Variants in GSDMA observed in about 807,000 individuals in gnomAD.
GSDMA encodes the protein gasdermin A, also known as gasdermin-A.
A neutral mutation model predicts 54.3 loss-of-function variants in GSDMA; 55 were observed. That is an observed-to-expected ratio of 1.01 (90% CI 0.82 to 1.27). The LOEUF (loss-of-function observed/expected upper bound fraction) is 1.27, where lower values mean the gene tolerates loss of function less well. Ranked by LOEUF, GSDMA falls within the 50% of genes most tolerant of loss-of-function variation. The pLI, the probability that GSDMA is intolerant of heterozygous loss-of-function variation, is 0.00. For missense variants in GSDMA, 542 were observed against 542.6 expected (o/e 1.00, Z 0.01); for synonymous variants, 211 against 224.7 (o/e 0.94, Z 0.54).
At chr17:39,971,859 T>C (rs1289433861) in intron 5 of GSDMA, among the ~76,000 whole-genome samples, 4 of 152,072 alleles carry the variant, frequency 2.6e-5, no homozygotes, top group Non-Finnish European at 4.4e-5. Context: ...AATATGAACA[T>C]GCACTGCCTC....
At chr17:39,964,356 G>A (rs1262030732) in intron 1 of GSDMA, among the ~76,000 whole-genome samples, 4 of 152,118 alleles carry the variant, frequency 2.6e-5, no homozygotes, top group Admixed American at 2.6e-4. Flanking sequence ...ATCATTTGAG[G>A]TCAGGAGTTC....
rs2144796888 is a variant in GSDMA at position 39,974,392 on chromosome 17, G to A, written c.871G>A (p.Gly291Arg). The part of the protein sequence containing the change: ...SLLSSLSKLL[G>R]KKKELQDLEL... ...GCTCAGCTCCCTCAGCAAACTTCTA[G>A]GGAAGAAAAAGGAGCTACAAGACCT... The change falls in exon 9 of 12, where the codon GGG (glycine) becomes AGG (arginine). Residue 291 changes from glycine (G) to arginine (R), a missense_variant. Coordinates refer to ENST00000301659, the MANE Select transcript of GSDMA (RefSeq NM_178171.5). 1 of 1,591,972 alleles carries A rather than the reference G, an allele frequency of 6.3e-7. No homozygotes were observed. Among genetic ancestry groups the A allele is most frequent in the Non-Finnish European group, 8.6e-7 (1 of 1,169,378 alleles).
At chr17:39,975,859 C>A in intron 10 of GSDMA, 65 bp from the exon 11 acceptor site, 5 of 1,190,638 alleles carry the variant, frequency 4.2e-6, no homozygotes, top group Non-Finnish European at 6.1e-6. Context: ...TGGAAGTGCG[C>A]TATTTGGAGG....
intron 1 of GSDMA, chr17:39,965,469 A>G: frequency 1.8e-6 from 1 of 555,214 alleles, no homozygotes; most frequent in Non-Finnish European, 3.2e-6. Flanking sequence ...CTTTGGGGCA[A>G]CTCTTTCAAC....
intron 3 of GSDMA, among the ~76,000 whole-genome samples, chr17:39,969,341 C>T (rs1461917393): frequency 8.5e-6 from 1 of 117,264 alleles, no homozygotes; most frequent in East Asian, 2.6e-4. Flanking sequence ...CAGAGTGGGA[C>T]CTTAAAAAAA....
chr17:39,974,854 GC>G lies in GSDMA; in HGVS notation c.907-43del, dbSNP rs766618324. The stretch of plus-strand genomic sequence containing the variant: ...TATTATGTGCTGGGCCCTGGGTTGG[GC>G]CCTTTCCTATGTTATCTTCAATAGT... On this transcript the variant is annotated intron_variant, in intron 9 of 11. Transcript: ENST00000301659. The G allele has an allele frequency of 7.8e-5, 85 of 1,095,846 alleles. No individual in the cohort carries two copies. The South Asian group carries it at 8.1e-4, about 10-fold the overall frequency. 67.9% of individuals were successfully genotyped at this position (1,095,846 alleles called of 1,614,324 possible).
intron 9 of GSDMA, 30 bp downstream of exon 9, chr17:39,974,457 G>A: frequency 1.3e-6 from 2 of 1,544,286 alleles, no homozygotes; most frequent in Non-Finnish European, 1.8e-6. Flanking sequence ...GGGGAAGGGT[G>A]GGAGAAGGCA....
At chr17:39,966,185 C>T (rs1013559864) in intron 2 of GSDMA, 75 bp from the exon 3 acceptor site, 2 of 1,530,386 alleles carry the variant, frequency 1.3e-6, no homozygotes, top group Middle Eastern at 1.7e-4. Context: ...CCTTGGCCTC[C>T]CAAAATGCTG....
At chr17:39,965,228 A>AGAAG (rs749559864) in intron 1 of GSDMA, among the ~76,000 whole-genome samples, 1 of 107,054 alleles carries the variant, frequency 9.3e-6, no homozygotes, top group Non-Finnish European at 1.8e-5. Flanking sequence ...AAAGAAAGAA[A>AGAAG]GAAGGAAGGA....
intron 9 of GSDMA, 47 bp downstream of exon 9, chr17:39,974,474 G>T: frequency 1.3e-6 from 2 of 1,522,104 alleles, no homozygotes; most frequent in Non-Finnish European, 1.8e-6. Context: ...GGCATGTTTT[G>T]GTGAAGATTT....
In GSDMA at chr17:39,972,184, A is replaced by G; in HGVS notation, c.703+8A>G. 1 of 1,528,024 alleles carries G rather than the reference A, an allele frequency of 6.5e-7. No individual in the cohort carries two copies. The highest frequency in any genetic ancestry group is 2.6e-5 in the East Asian group (1 of 38,722). 94.7% of individuals were successfully genotyped at this position (1,528,024 alleles called of 1,614,324 possible). ...AAACCTTCCCTCCTGGAGGTAAGTG[A>G]AATTGCTTACGGGCTTCCCACATCT... On this transcript the variant is annotated splice_region_variant and intron_variant, in intron 6 of 11. Coordinates refer to ENST00000301659, the MANE Select transcript of GSDMA (RefSeq NM_178171.5).
At chr17:39,966,692 C>T (rs1979687276) in intron 3 of GSDMA, among the ~76,000 whole-genome samples, 1 of 152,190 alleles carries the variant, frequency 6.6e-6, no homozygotes, top group African/African-American at 2.4e-5. Flanking sequence ...AAGATGATGT[C>T]CACACTAGCT....
chr17:39,965,741 A>C lies in GSDMA; in HGVS notation c.54A>C (p.Arg18=). Reference sequence around the variant, plus strand: ...CCCTGGCCAGACAGCTAAACCCTCGAGGGGACCTGACACCACTTGACAGCC... The same window carrying C: ...CCCTGGCCAGACAGCTAAACCCTCGCGGGGACCTGACACCACTTGACAGCC... ...TRALARQLNP[R]GDLTPLDSLI... The change falls in exon 2 of 12, where the codon CGA becomes CGC. Residue 18 remains arginine, a synonymous_variant. Coordinates refer to ENST00000301659, the MANE Select transcript of GSDMA (RefSeq NM_178171.5). 1.2e-6 allele frequency: 2 copies of C among 1,611,716 alleles called. No homozygotes were observed. Among genetic ancestry groups the C allele is most frequent in the Non-Finnish European group, 1.7e-6 (2 of 1,178,952 alleles).
In GSDMA at chr17:39,970,649, T is replaced by G. The variant is rs535424728; in HGVS notation, c.558+2T>G. ...TTCTTCGCCCCATTGGGGCTACAGG[T>G]TTGATTCAAACACACACACACACAC... On this transcript the variant is annotated splice_donor_variant, in intron 4 of 11. Transcript: ENST00000301659. LOFTEE classifies it high-confidence loss of function. 9 of 1,503,596 alleles carry G rather than the reference T, an allele frequency of 6.0e-6. No individual in the cohort carries two copies. In the African/African-American group the frequency reaches 1.2e-4, roughly 21 times the overall value. The allele number at this position is 1,503,596 out of a possible 1,614,324, so 93.1% of individuals were successfully genotyped here. A position where few individuals can be genotyped will look rare whatever the true frequency, so the allele number is the denominator to read the frequency against.
rs982081900 is a variant in GSDMA, at chr17:39,977,240, G to A, written c.*182G>A. 4.2e-5 allele frequency: 26 copies of A among 618,278 alleles called. No homozygotes were observed. Among genetic ancestry groups the A allele is most frequent in the Middle Eastern group, 4.4e-4 (1 of 2,272 alleles). The allele number at this position is 618,278 out of a possible 1,614,324, so 38.3% of individuals were successfully genotyped here. Reference sequence around the variant, plus strand: ...TATCACCCCCTACCCCTCCAGCTCCGCAACCCACTAAGCCCATCTGCTGAT... The same window carrying A: ...TATCACCCCCTACCCCTCCAGCTCCACAACCCACTAAGCCCATCTGCTGAT... On this transcript the variant is annotated 3_prime_UTR_variant, in exon 12 of 12. Coordinates refer to ENST00000301659, the MANE Select transcript of GSDMA (RefSeq NM_178171.5).
At chr17:39,966,511 G>A (rs1030465721) in intron 3 of GSDMA, 74 bp downstream of exon 3, 8 of 1,333,254 alleles carry the variant, frequency 6.0e-6, no homozygotes, top group East Asian at 2.4e-5. Flanking sequence ...TTGGGGCCTT[G>A]AGCTGAAAGG....
rs967616515 is a variant in GSDMA, at chr17:39,977,016, T to C, written c.1296T>C (p.Tyr432=). 5 of 1,613,976 alleles carry C rather than the reference T, an allele frequency of 3.1e-6. No homozygotes were observed. In the African/African-American group the frequency reaches 4.0e-5, roughly 13 times the overall value. ...CCCTCCCTCGCCTCTGTGCTCTTTATGCAGGCCTCTCTCTCCTTCAGCAGC... is the reference window on the plus strand; with the variant it reads ...CCCTCCCTCGCCTCTGTGCTCTTTACGCAGGCCTCTCTCTCCTTCAGCAGC... ...PDTLPRLCAL[Y]AGLSLLQQLT... Residue 432 remains tyrosine, a synonymous_variant, in exon 12 of 12, where the codon TAT becomes TAC. Coordinates refer to ENST00000301659, the MANE Select transcript of GSDMA (RefSeq NM_178171.5).
chr17:39,965,580 C>T, intron 1 of GSDMA, 103 bp from the exon 2 acceptor site: 2 of 789,600 alleles, frequency 2.5e-6, no homozygotes, highest in Non-Finnish European at 4.2e-6. Flanking sequence ...CCTCCTGCCT[C>T]AGAGCCGGGT....
intron 7 of GSDMA, among the ~76,000 whole-genome samples, chr17:39,973,317 T>A (rs1045964379): frequency 1.2e-4 from 17 of 147,376 alleles, no homozygotes; most frequent in Non-Finnish European, 2.2e-4. Flanking sequence ...TTGCCCAGAC[T>A]GGAGTGCAAA....
Sources: allele counts gnomAD v4.1 joint callset (sites outside exome capture counted in the v4.1 genomes callset), GRCh38; gene constraint gnomAD v4.1.1; transcripts MANE v1.5; gene names NCBI Gene and HGNC (gene_info 2026-07-23, HGNC 2026-07-21).